Variants in CEP76 observed in about 807,000 individuals in gnomAD.
CEP76 encodes the protein centrosomal protein 76.
In CEP76, 55 loss-of-function variants were observed where a neutral mutation model predicts 83.3. The ratio of observed to expected loss-of-function variants is 0.66; its 90% confidence interval spans 0.53 to 0.83. The LOEUF is 0.83. CEP76 is among the 40% of genes least tolerant of loss of function. The pLI, the probability that CEP76 is intolerant of heterozygous loss-of-function variation, is 0.00. For synonymous variants in CEP76, 270 were observed against 274.5 expected (o/e 0.98, Z 0.16); for missense variants, 694 against 799.5 (o/e 0.87, Z 1.59).
At chr18:12,679,321 G>T (rs557644650) in intron 9 of CEP76, 1 of 152,164 alleles carries the variant, frequency 6.6e-6, no homozygotes, top group Non-Finnish European at 1.5e-5. Context: ...ACAGAAGTTC[G>T]AGCAATTTGC....
At chr18:12,689,396 C>T (rs2039666270) in intron 7 of CEP76, among the ~76,000 whole-genome samples, 1 of 152,166 alleles carries the variant, frequency 6.6e-6, no homozygotes, top group African/African-American at 2.4e-5. Flanking sequence ...CAATTTGACA[C>T]AGACTTTGCC....
Position 12,701,047 on chromosome 18 carries a change from G to T in CEP76, c.130C>A (p.Gln44Lys). The T allele has an allele frequency of 6.2e-7, 1 of 1,613,470 alleles. No individual in the cohort carries two copies. Among genetic ancestry groups the T allele is most frequent in the Non-Finnish European group, 8.5e-7 (1 of 1,179,496 alleles). ...AAATCTTCTGTTGATAAATGCTGTT[G>T]ATCAGGTGCCAATTCTTCCCGTATA... ...ETIREELAPD[Q>K]QHLSTEDLIK... The change falls in exon 2 of 12, where the codon CAA becomes AAA. Residue 44 changes from glutamine to lysine, a missense_variant. Gln to Lys is a moderately conservative substitution (Grantham distance 53). Coordinates refer to ENST00000262127, the MANE Select transcript of CEP76 (RefSeq NM_024899.4).
intron 7 of CEP76, among the ~76,000 whole-genome samples, chr18:12,690,948 C>G (rs558945073): frequency 1.3e-4 from 20 of 151,464 alleles, no homozygotes; most frequent in Non-Finnish European, 1.9e-4. Context: ...AGCCCCCCCC[C>G]GTTCTGCACA....
intron 6 of CEP76, among the ~76,000 whole-genome samples, chr18:12,694,922 A>G (rs942524761): frequency 7.3e-5 from 11 of 150,240 alleles, no homozygotes; most frequent in Middle Eastern, 6.8e-3. Context: ...TCACCGTGTT[A>G]GCCAGGATGG....
chr18:12,667,955 C>T (rs1341964375), downstream of CEP76, among the ~76,000 whole-genome samples: 3 of 148,908 alleles, frequency 2.0e-5, no homozygotes, highest in African/African-American at 7.4e-5. Context: ...AATCCAGCCA[C>T]ATCAATAATA....
At chr18:12,669,565 A>G (rs2038887084), downstream of CEP76, among the ~76,000 whole-genome samples, 1 of 152,200 alleles carries the variant, frequency 6.6e-6, no homozygotes, top group Non-Finnish European at 1.5e-5. Flanking sequence ...ATAAAACTAC[A>G]TATATATAAT....
chr18:12,686,942 T>C (rs2039560974), intron 7 of CEP76, among the ~76,000 whole-genome samples: 1 of 152,194 alleles, frequency 6.6e-6, no homozygotes, highest in Admixed American at 6.5e-5. Context: ...CAGGAAACAA[T>C]AATTTGTTAA....
chr18:12,667,848 CTTTTTTT>C (rs36019439), downstream of CEP76, among the ~76,000 whole-genome samples: 2 of 116,712 alleles, frequency 1.7e-5, no homozygotes, highest in East Asian at 2.3e-4. Context: ...CTTTCTGATC[CTTTTTTT>C]TTTTTTTTTT....
intron 8 of CEP76, 32 bp from the exon 9 acceptor site, chr18:12,680,860 C>T: frequency 1.3e-6 from 2 of 1,560,364 alleles, no homozygotes; most frequent in South Asian, 1.2e-5. Context: ...AGTATTCATT[C>T]TTCCATATTA....
chr18:12,695,281 C>G lies in CEP76; in HGVS notation c.777G>C (p.Thr259=). The part of the protein sequence containing the change: ...KLEMYPPLNQ[T]LSQEVVNTQL... Reference sequence around the variant, plus strand: ...GTGTGTTCACTACTTCTTGAGATAACGTTTGATTGAGTGGTGGATACATTT... The same window carrying G: ...GTGTGTTCACTACTTCTTGAGATAAGGTTTGATTGAGTGGTGGATACATTT... Residue 259 remains threonine, a synonymous_variant, in exon 6 of 12, where the codon ACG becomes ACC. Coordinates refer to ENST00000262127, the MANE Select transcript of CEP76 (RefSeq NM_024899.4). The G allele has an allele frequency of 6.4e-7, 1 of 1,554,292 alleles. No homozygotes were observed. The highest frequency in any genetic ancestry group is 1.4e-5 in the African/African-American group (1 of 73,326).
chr18:12,670,484 A>C (rs569070896), downstream of CEP76: 2 of 152,304 alleles, frequency 1.3e-5, no homozygotes, highest in Admixed American at 6.5e-5. Flanking sequence ...TTTGAAATAC[A>C]CGTTACTCTG....
downstream of CEP76, among the ~76,000 whole-genome samples, chr18:12,672,240 G>A (rs774628399): frequency 6.6e-6 from 1 of 151,232 alleles, no homozygotes; most frequent in Non-Finnish European, 1.5e-5. Context: ...TCAGCCTCCT[G>A]AGTAGCTGGG....
At chr18:12,666,048 G>A (rs2038796315) in intron 12 of CEP76, among the ~76,000 whole-genome samples, 1 of 151,888 alleles carries the variant, frequency 6.6e-6, no homozygotes, top group South Asian at 2.1e-4. Flanking sequence ...TGGGCACAGT[G>A]GCTCATACTT....
chr18:12,667,281 C>G (rs567849945), intron 12 of CEP76, among the ~76,000 whole-genome samples: 2 of 151,900 alleles, frequency 1.3e-5, no homozygotes, highest in Admixed American at 6.6e-5. Flanking sequence ...TGAGTGAGAC[C>G]TTGTCTCTAC....
intron 8 of CEP76, chr18:12,685,575 GGTTA>G (rs2039512225): frequency 6.6e-6 from 1 of 151,814 alleles, no homozygotes; most frequent in African/African-American, 2.4e-5. Flanking sequence ...ACCCCAAAGC[GGTTA>G]GTTCCAGGAC....
chr18:12,694,171 A>G (rs1489762700), intron 6 of CEP76, among the ~76,000 whole-genome samples: 3 of 152,196 alleles, frequency 2.0e-5, no homozygotes, highest in Non-Finnish European at 4.4e-5. Flanking sequence ...ACCACCCATG[A>G]CACATGTCAG....
chr18:12,674,831 T>G, intron 10 of CEP76, 78 bp from the exon 11 acceptor site: 1 of 804,448 alleles, frequency 1.2e-6, no homozygotes, highest in South Asian at 2.1e-5. Flanking sequence ...ATGTTGATTA[T>G]TTTAATGTAT....
In CEP76 at chr18:12,695,319, T is replaced by C; in HGVS notation, c.739A>G (p.Asn247Asp). 6.4e-7 allele frequency: 1 copy of C among 1,566,490 alleles called. No homozygotes were observed. The highest frequency in any genetic ancestry group is 8.7e-7 in the Non-Finnish European group (1 of 1,144,044). Residue 247 changes from asparagine to aspartate, a missense_variant, in exon 6 of 12, where the codon AAT (asparagine) becomes GAT (aspartate). Asn to Asp is a conservative substitution (Grantham distance 23). Transcript: ENST00000262127. ...TESKVSVGILNIKLEMYPPLN... is the reference protein window; with the variant it reads ...TESKVSVGILDIKLEMYPPLN... Reference sequence around the variant, plus strand: ...GGTGGATACATTTCAAGTTTTATATTTAAAATTCCCACAGAAACTTTTGAT... The same window carrying C: ...GGTGGATACATTTCAAGTTTTATATCTAAAATTCCCACAGAAACTTTTGAT...
intron 10 of CEP76, among the ~76,000 whole-genome samples, chr18:12,675,853 G>A (rs1744108931): frequency 6.6e-6 from 1 of 151,832 alleles, no homozygotes; most frequent in African/African-American, 2.4e-5. Flanking sequence ...ATTTTTAGTA[G>A]AGACGGGCTT....
Sources: allele counts gnomAD v4.1 joint callset (sites outside exome capture counted in the v4.1 genomes callset), GRCh38; gene constraint gnomAD v4.1.1; transcripts MANE v1.5; gene names NCBI Gene and HGNC (gene_info 2026-07-23, HGNC 2026-07-21).